Variants in CELF2 observed in about 807,000 individuals in gnomAD.
CELF2 encodes the protein CUG triplet repeat RNA-binding protein 2.
In CELF2, 8 loss-of-function variants were observed where a neutral mutation model predicts 62.6. The observed-to-expected ratio is 0.13, with a 90% CI of 0.07 to 0.23. The LOEUF (loss-of-function observed/expected upper bound fraction) is 0.23. Ranked by LOEUF, CELF2 falls within the 10% of genes least tolerant of loss-of-function variation. The probability of loss-of-function intolerance (pLI) is 1.00; values close to 1 mark genes in which losing one functional copy is unlikely to be tolerated. For synonymous variants in CELF2, 258 were observed against 250.0 expected, an observed-to-expected ratio of 1.03 and a Z score of -0.30; for missense variants, 333 against 671.0, an observed-to-expected ratio of 0.50 and a Z score of 5.56.
intron 3 of CELF2, among the ~76,000 whole-genome samples, chr10:11,225,772 T>A (rs1361012334): frequency 6.6e-6 from 1 of 152,356 alleles, no homozygotes; most frequent in Admixed American, 6.5e-5. Context: ...TGGATTTTTT[T>A]ATCTATTTGA....
chr10:11,290,413 C>T lies in CELF2; in HGVS notation c.976+1861C>T, dbSNP rs1203627746. The stretch of plus-strand genomic sequence containing the variant: ...TGGGGGCTCTGTGGTGGACCGCGTC[C>T]GTTCCAGCCCACGTTGGGAGGAGTG... On this transcript the variant is annotated intron_variant, in intron 9 of 12. Transcript: ENST00000633077. The surrounding 1 kb of genome is among the most constrained non-coding windows in gnomAD (Gnocchi z 4.3). 2.6e-5 allele frequency among the ~76,000 whole-genome samples: 4 copies of T among 152,050 alleles called. No homozygotes were observed. Among genetic ancestry groups the T allele is most frequent in the Non-Finnish European group, 5.9e-5 (4 of 67,982 alleles).
At chr10:11,322,874 T>C (rs1244880448) in intron 11 of CELF2, among the ~76,000 whole-genome samples, 3 of 152,120 alleles carry the variant, frequency 2.0e-5, no homozygotes, top group East Asian at 1.9e-4. Context: ...AAGAAAGGCC[T>C]GTGTGTGTTC....
chr10:10,609,481 A>C, the CELF2 span, among the ~76,000 whole-genome samples: 6 of 152,174 alleles, frequency 3.9e-5, no homozygotes, highest in Non-Finnish European at 8.8e-5. Flanking sequence ...TCTCCTTAGG[A>C]GCTGCACAGC....
At position 11,319,909 on chromosome 10, in the gene CELF2, ACT is replaced by A. The variant is rs994717789; in HGVS notation, c.1097-1277_1097-1276del. On this transcript the variant is annotated intron_variant, in intron 10 of 12. Transcript: ENST00000633077. This position sits in a 1 kb window ranked among gnomAD's most constrained non-coding sequence, Gnocchi z 4.4. ...TAGCGTTGCTGGGCGTGTGGAGGTC[ACT>A]CTGCTGCCGGATTCTCTGGTGTTTC... The A allele has an allele frequency of 3.8e-5, 18 of 469,792 alleles. No homozygotes were observed. Among genetic ancestry groups the A allele is most frequent in the Non-Finnish European group, 7.9e-5 (18 of 226,762 alleles). The allele number at this position is 469,792 out of a possible 1,614,324, so 29.1% of individuals were successfully genotyped here. A position where few individuals can be genotyped will look rare whatever the true frequency, so the allele number is the denominator to read the frequency against.
At chr10:10,652,919 G>A in the CELF2 span, among the ~76,000 whole-genome samples, 1 of 152,078 alleles carries the variant, frequency 6.6e-6, no homozygotes, top group East Asian at 1.9e-4. Context: ...GACACAGACT[G>A]GCAAATTGGA....
At chr10:10,627,666 G>A in the CELF2 span, among the ~76,000 whole-genome samples, 1 of 152,206 alleles carries the variant, frequency 6.6e-6, no homozygotes, top group Non-Finnish European at 1.5e-5. Context: ...AGGAGGGAAA[G>A]AACCTATGGG....
chr10:10,532,233 A>G, the CELF2 span, among the ~76,000 whole-genome samples: 25 of 152,372 alleles, frequency 1.6e-4, 1 homozygote, highest in South Asian at 4.3e-3. Context: ...CTTGGCCACA[A>G]ATTTGGAAAG....
chr10:10,989,136 A>G (rs2053151397), intron 2 of CELF2, among the ~76,000 whole-genome samples: 1 of 152,226 alleles, frequency 6.6e-6, no homozygotes, highest in Non-Finnish European at 1.5e-5. Context: ...GAGTTAGCCT[A>G]TACTTCTAGA....
At chr10:10,828,000 T>TAAAAAAAAAAAAAAA (rs66721705) in intron 1 of CELF2, among the ~76,000 whole-genome samples, 26 of 60,698 alleles carry the variant, frequency 4.3e-4, no homozygotes, top group East Asian at 1.6e-3. Context: ...AGGCTAGTCT[T>TAAAAAAAAAAAAAAA]AAAAAAAAAA....
chr10:10,755,283 A>G, the CELF2 span, among the ~76,000 whole-genome samples: 1 of 152,158 alleles, frequency 6.6e-6, no homozygotes, highest in African/African-American at 2.4e-5. Context: ...CCTCTCTCAT[A>G]TTCATATTTA....
At chr10:11,024,859 AG>A (rs1237640471) in intron 1 of CELF2, among the ~76,000 whole-genome samples, 1 of 152,192 alleles carries the variant, frequency 6.6e-6, no homozygotes, top group East Asian at 1.9e-4. Flanking sequence ...ATCTTGACAT[AG>A]CTTTTGGACA....
chr10:11,275,711 CTG>C (rs2085798144), intron 8 of CELF2, among the ~76,000 whole-genome samples: 1 of 152,134 alleles, frequency 6.6e-6, no homozygotes, highest in African/African-American at 2.4e-5. Flanking sequence ...CAAAGTGTGA[CTG>C]TATTTGAAAG....
intron 1 of CELF2, among the ~76,000 whole-genome samples, chr10:10,809,927 T>C (rs897430468): frequency 5.3e-5 from 8 of 152,210 alleles, no homozygotes; most frequent in African/African-American, 1.9e-4. Context: ...ACCTTTTTTA[T>C]TGAACCAACA....
At position 10,990,411 on chromosome 10, in the gene CELF2, T is replaced by C. The variant is rs2053295353; in HGVS notation, c.89+70412T>C. Among the ~76,000 whole-genome samples, 1 of 152,138 alleles carries C rather than the reference T, an allele frequency of 6.6e-6. No homozygotes were observed. Among genetic ancestry groups the C allele is most frequent in the African/African-American group, 2.4e-5 (1 of 41,452 alleles). On this transcript the variant is annotated intron_variant, in intron 2 of 13. Coordinates refer to the CELF2 transcript ENST00000636488. The surrounding 1 kb of genome is among the most constrained non-coding windows in gnomAD (Gnocchi z 4.6). ...GTATCTAGTGAGATTGAGGTGTAGATAATTTTTCTTCTTTATACTTATCTG... is the reference window on the plus strand; with the variant it reads ...GTATCTAGTGAGATTGAGGTGTAGACAATTTTTCTTCTTTATACTTATCTG...
chr10:11,290,651 G>A lies in CELF2; in HGVS notation c.976+2099G>A, dbSNP rs1298900208. On this transcript the variant is annotated intron_variant, in intron 9 of 12. Transcript: ENST00000633077. This position sits in a 1 kb window ranked among gnomAD's most constrained non-coding sequence, Gnocchi z 4.3. ...TCCTGAGACTGCAGTGGAGGAAAAT[G>A]TGTTGTGGGATGAGCCTTCCTCCCT... Among the ~76,000 whole-genome samples the A allele has an allele frequency of 6.6e-6, 1 of 152,208 alleles. No individual in the cohort carries two copies. Among genetic ancestry groups the A allele is most frequent in the Admixed American group, 6.5e-5 (1 of 15,278 alleles).
rs777630185 is a variant in CELF2 at position 11,217,389 on chromosome 10, C to T, written c.272-36C>T. 4.1e-6 allele frequency: 6 copies of T among 1,468,864 alleles called. No homozygotes were observed. The East Asian group carries it at 1.1e-4, about 28-fold the overall frequency. The allele number at this position is 1,468,864 out of a possible 1,614,324, so 91.0% of individuals were successfully genotyped here. ...CCATTATATCTAAGCAAAGCATTCACAGAAATTTCTAAAACCTTTTCATTT... is the reference window on the plus strand; with the variant it reads ...CCATTATATCTAAGCAAAGCATTCATAGAAATTTCTAAAACCTTTTCATTT... On this transcript the variant is annotated intron_variant, in intron 2 of 12. Transcript: ENST00000633077. This position sits in a 1 kb window ranked among gnomAD's most constrained non-coding sequence, Gnocchi z 5.6.
intron 1 of CELF2, among the ~76,000 whole-genome samples, chr10:11,126,748 G>A (rs1013345959): frequency 4.6e-5 from 7 of 152,018 alleles, no homozygotes; most frequent in Non-Finnish European, 5.9e-5. Flanking sequence ...ATACATTTCT[G>A]GTAGTTAGCA....
chr10:11,006,296 T>A (rs2055249938), intron 1 of CELF2, among the ~76,000 whole-genome samples: 1 of 152,234 alleles, frequency 6.6e-6, no homozygotes, highest in Non-Finnish European at 1.5e-5. Context: ...CTTGTTTGTA[T>A]AGACTATCAG....
chr10:10,583,342 T>A, the CELF2 span, among the ~76,000 whole-genome samples: 1 of 152,202 alleles, frequency 6.6e-6, no homozygotes, highest in Non-Finnish European at 1.5e-5. Flanking sequence ...TCATGATTTA[T>A]CCCTCACATA....
Sources: gnomAD v4.1 joint callset for allele counts (sites outside exome capture counted in the v4.1 genomes callset) on GRCh38, gnomAD v4.1.1 for gene constraint, Gnocchi (gnomAD v3.1) non-coding constraint, MANE v1.5 for transcripts, NCBI Gene and HGNC (gene_info 2026-07-23, HGNC 2026-07-21) for gene names.